DPYSL2: variants seen among roughly 807,000 people sequenced by gnomAD.
DPYSL2 encodes dihydropyrimidinase-related protein 2.
In DPYSL2, 13 loss-of-function variants were observed where a neutral mutation model predicts 69.9. The observed-to-expected ratio is 0.19, with a 90% CI of 0.12 to 0.30. The LOEUF (loss-of-function observed/expected upper bound fraction) is 0.30, where lower values mean the gene tolerates loss of function less well. Ranked by LOEUF, DPYSL2 falls within the 10% of genes least tolerant of loss-of-function variation. The pLI is 1.00. For missense variants in DPYSL2, 587 were observed against 918.9 expected (o/e 0.64, Z 4.67); for synonymous variants, 326 against 359.1 (o/e 0.91, Z 1.04).
intron 1 of DPYSL2, among the ~76,000 whole-genome samples, chr8:26,530,037 G>A (rs752653551): frequency 3.3e-5 from 5 of 149,918 alleles, no homozygotes; most frequent in East Asian, 2.0e-4. Context: ...GCTTGAGCCC[G>A]GGAGGTGGAG....
rs145417759 is a variant in DPYSL2, at chr8:26,627,910, C to T, written c.975C>T (p.Pro325=). The T allele has an allele frequency of 2.1e-4, 344 of 1,613,890 alleles. 1 individual carries two copies. The highest frequency in any genetic ancestry group is 2.1e-3 in the African/African-American group (154 of 75,032). The part of the protein sequence containing the change: ...QRILDLGITG[P]EGHVLSRPEE... ...TCCTGGATCTGGGCATCACGGGCCC[C>T]GAGGGACATGTGCTGAGCCGACCTG... is the stretch of plus-strand genomic sequence containing the variant. The change falls in exon 7 of 14, where the codon CCC becomes CCT. Residue 325 remains proline, a synonymous_variant. Coordinates refer to ENST00000521913, the MANE Select transcript of DPYSL2 (RefSeq NM_001197293.3). The surrounding 1 kb of genome is among the most constrained non-coding windows in gnomAD (Gnocchi z 6.9).
At chr8:26,529,715 A>C (rs1329117080) in intron 1 of DPYSL2, among the ~76,000 whole-genome samples, 1 of 146,802 alleles carries the variant, frequency 6.8e-6, no homozygotes, top group East Asian at 2.0e-4. Context: ...TGGATTTTTA[A>C]ATTTTAACCG....
rs749134430 is a variant in DPYSL2 at position 26,653,197 on chromosome 8, G to A, written c.1777-35G>A. The stretch of plus-strand genomic sequence containing the variant: ...TTCTAGAGAGGTATCCTCTGTGGCT[G>A]TGGCCTGAGCTGGGGGGACTCTTGT... On this transcript the variant is annotated intron_variant, in intron 12 of 13. Transcript: ENST00000521913. The surrounding 1 kb of genome is among the most constrained non-coding windows in gnomAD (Gnocchi z 5.7). 2 of 1,605,134 alleles carry A rather than the reference G, an allele frequency of 1.2e-6. No individual in the cohort carries two copies. The highest frequency in any genetic ancestry group is 1.7e-6 in the Non-Finnish European group (2 of 1,174,796).
At chr8:26,540,829 C>G (rs746346845) in intron 1 of DPYSL2, among the ~76,000 whole-genome samples, 1 of 148,790 alleles carries the variant, frequency 6.7e-6, no homozygotes, top group Non-Finnish European at 1.5e-5. Flanking sequence ...TGCTTGAACC[C>G]GGGAGGCAGA....
intron 1 of DPYSL2, among the ~76,000 whole-genome samples, chr8:26,579,017 C>G (rs1386160714): frequency 6.6e-6 from 1 of 152,070 alleles, no homozygotes; most frequent in Non-Finnish European, 1.5e-5. Context: ...GATTCGGGCT[C>G]TTTTTCACGT....
At position 26,614,980 on chromosome 8, in the gene DPYSL2, C is replaced by T. The variant is rs1342879150; in HGVS notation, c.629-9163C>T. Among the ~76,000 whole-genome samples the T allele has an allele frequency of 6.6e-6, 1 of 152,254 alleles. No homozygotes were observed. Among genetic ancestry groups the T allele is most frequent in the Non-Finnish European group, 1.5e-5 (1 of 68,054 alleles). ...CACACGTTCTGGGGTCAGATTCCAG[C>T]TCTGCCAGTCAGTGGCTGCACTGGC... On this transcript the variant is annotated intron_variant, in intron 3 of 13. Coordinates refer to ENST00000521913, the MANE Select transcript of DPYSL2 (RefSeq NM_001197293.3). The surrounding 1 kb of genome is among the most constrained non-coding windows in gnomAD (Gnocchi z 4.9).
rs567537411 is a variant in DPYSL2 at position 26,591,068 on chromosome 8, A to G, written c.628+7085A>G. On this transcript the variant is annotated intron_variant, in intron 3 of 13. Coordinates refer to ENST00000521913, the MANE Select transcript of DPYSL2 (RefSeq NM_001197293.3). The surrounding 1 kb of genome is among the most constrained non-coding windows in gnomAD (Gnocchi z 5.8). Reference sequence around the variant, plus strand: ...GGAGCTGGCAGTTACAGTGCTGGAAATGAGCCTGACTCACTGGGGTGGTGA... The same window carrying G: ...GGAGCTGGCAGTTACAGTGCTGGAAGTGAGCCTGACTCACTGGGGTGGTGA... 7.9e-5 allele frequency among the ~76,000 whole-genome samples: 12 copies of G among 152,312 alleles called. No homozygotes were observed. The highest frequency in any genetic ancestry group is 2.2e-4 in the African/African-American group (9 of 41,568).
At chr8:26,602,138 A>ATTTT (rs374443692) in intron 3 of DPYSL2, among the ~76,000 whole-genome samples, 26 of 135,298 alleles carry the variant, frequency 1.9e-4, no homozygotes, top group Middle Eastern at 3.6e-3. Flanking sequence ...AACAAAGGAA[A>ATTTT]TTTTTTTTTT....
rs1016728311 is a variant in DPYSL2 at position 26,614,461 on chromosome 8, A to G, written c.629-9682A>G. Among the ~76,000 whole-genome samples the G allele has an allele frequency of 2.0e-5, 3 of 152,150 alleles. No homozygotes were observed. The highest frequency in any genetic ancestry group is 4.4e-5 in the Non-Finnish European group (3 of 68,030). On this transcript the variant is annotated intron_variant, in intron 3 of 13. Coordinates refer to ENST00000521913, the MANE Select transcript of DPYSL2 (RefSeq NM_001197293.3). The surrounding 1 kb of genome is among the most constrained non-coding windows in gnomAD (Gnocchi z 4.9). ...ATCATTTTATCCGTATCCCTTTCGT[A>G]TCTTTTAGTGAGTTTTTGTTTTCCC...
In DPYSL2 at chr8:26,627,696, C is replaced by T. The variant is rs560501091; in HGVS notation, c.937-176C>T. On this transcript the variant is annotated intron_variant, in intron 6 of 13. Transcript: ENST00000521913. This position sits in a 1 kb window ranked among gnomAD's most constrained non-coding sequence, Gnocchi z 6.9. ...CTGTAATTGATCCATCCTGCTCAGG[C>T]GGGACTGGGAACAGGGCAGTGAACC... Among the ~76,000 whole-genome samples the T allele has an allele frequency of 6.6e-5, 10 of 152,140 alleles. No homozygotes were observed. The highest frequency in any genetic ancestry group is 1.2e-4 in the Non-Finnish European group (8 of 68,028).
rs192389896 is a variant in DPYSL2, at chr8:26,648,743, C to T, written c.1596+943C>T. On this transcript the variant is annotated intron_variant, in intron 11 of 13. Coordinates refer to ENST00000521913, the MANE Select transcript of DPYSL2 (RefSeq NM_001197293.3). This position sits in a 1 kb window ranked among gnomAD's most constrained non-coding sequence, Gnocchi z 4.3. Reference sequence around the variant, plus strand: ...CTTAGGGCAGGTTTCTGGCATTTCTCCGGGACAACCCTGGGACTTTGCCCT... The same window carrying T: ...CTTAGGGCAGGTTTCTGGCATTTCTTCGGGACAACCCTGGGACTTTGCCCT... Among the ~76,000 whole-genome samples, 47 of 152,328 alleles carry T rather than the reference C, an allele frequency of 3.1e-4. No homozygotes were observed. Among genetic ancestry groups the T allele is most frequent in the African/African-American group, 1.1e-3 (46 of 41,568 alleles).
Position 26,619,318 on chromosome 8 carries a change from A to G in DPYSL2, c.629-4825A>G, listed in dbSNP as rs547170768. ...GTGGGAAAACATTTGGAGGCATTTC[A>G]TGGACACGTTTCTGAGTGTTATGAG... On this transcript the variant is annotated intron_variant, in intron 3 of 13. Coordinates refer to ENST00000521913, the MANE Select transcript of DPYSL2 (RefSeq NM_001197293.3). The surrounding 1 kb of genome is among the most constrained non-coding windows in gnomAD (Gnocchi z 4.8). Among the ~76,000 whole-genome samples, 1 of 152,310 alleles carries G rather than the reference A, an allele frequency of 6.6e-6. No individual in the cohort carries two copies. The highest frequency in any genetic ancestry group is 2.4e-5 in the African/African-American group (1 of 41,572).
At chr8:26,551,824 T>C (rs548824919) in intron 1 of DPYSL2, among the ~76,000 whole-genome samples, 6 of 152,330 alleles carry the variant, frequency 3.9e-5, no homozygotes, top group Non-Finnish European at 5.9e-5. Context: ...TATTGTATTT[T>C]ATTTTTAGAA....
At chr8:26,569,627 T>G (rs1801207988) in intron 1 of DPYSL2, among the ~76,000 whole-genome samples, 1 of 152,126 alleles carries the variant, frequency 6.6e-6, no homozygotes, top group African/African-American at 2.4e-5. Context: ...AGAGACAGAC[T>G]GGAAATACTC....
chr8:26,601,248 G>A (rs1388147787), intron 3 of DPYSL2, among the ~76,000 whole-genome samples: 1 of 152,196 alleles, frequency 6.6e-6, no homozygotes, highest in African/African-American at 2.4e-5. Flanking sequence ...ATCGCAGAAG[G>A]GAGAGGCTGA....
intron 1 of DPYSL2, among the ~76,000 whole-genome samples, chr8:26,529,940 G>A (rs759367233): frequency 1.3e-5 from 2 of 150,628 alleles, no homozygotes; most frequent in African/African-American, 4.9e-5. Flanking sequence ...CTGAAACCTC[G>A]TTTCTACTAA....
At position 26,647,353 on chromosome 8, in the gene DPYSL2, A is replaced by G. The variant is rs1803189052; in HGVS notation, c.1426-277A>G. Among the ~76,000 whole-genome samples the G allele has an allele frequency of 6.6e-6, 1 of 151,904 alleles. No homozygotes were observed. Among genetic ancestry groups the G allele is most frequent in the Non-Finnish European group, 1.5e-5 (1 of 67,970 alleles). On this transcript the variant is annotated intron_variant, in intron 10 of 13. Coordinates refer to ENST00000521913, the MANE Select transcript of DPYSL2 (RefSeq NM_001197293.3). The surrounding 1 kb of genome is among the most constrained non-coding windows in gnomAD (Gnocchi z 5.1). ...GTCTAGTCCAGCATTTCAGAGACCA[A>G]CCTCTTGCTGCTCCTCCCCTCCACC...
In DPYSL2 at chr8:26,624,431, C is replaced by G. The variant is rs1033668509; in HGVS notation, c.793+124C>G. The G allele has an allele frequency of 9.4e-6, 12 of 1,279,404 alleles. No individual in the cohort carries two copies. In the African/African-American group the frequency reaches 1.5e-4, roughly 16 times the overall value. 79.3% of individuals were successfully genotyped at this position (1,279,404 alleles called of 1,614,324 possible). On this transcript the variant is annotated intron_variant, in intron 4 of 13. Coordinates refer to ENST00000521913, the MANE Select transcript of DPYSL2 (RefSeq NM_001197293.3). This position sits in a 1 kb window ranked among gnomAD's most constrained non-coding sequence, Gnocchi z 4.7. ...TTTGTGCCTCATGCCCATGCCTGCC[C>G]CTGGGAAGGAGAGAGGGCTTTGGGC... is the stretch of plus-strand genomic sequence containing the variant.
rs1808244010 is a variant in DPYSL2 at position 26,514,643 on chromosome 8, C to A, written c.318C>A (p.Ala106=). Residue 106 remains alanine (A), a synonymous_variant, in exon 1 of 14, where the codon GCC becomes GCA. Transcript: ENST00000521913. The surrounding 1 kb of genome is among the most constrained non-coding windows in gnomAD (Gnocchi z 8.4). ...ESGRKVEIRR[A]SGKEALQNIN... is the part of the protein sequence containing the mutation. ...GCCGGAAGGTGGAGATCCGGAGGGC[C>A]TCGGGCAAAGAAGCCCTGCAGAACA... is the stretch of plus-strand genomic sequence containing the variant. 1.4e-6 allele frequency: 2 copies of A among 1,457,916 alleles called. No homozygotes were observed. The highest frequency in any genetic ancestry group is 2.8e-5 in the South Asian group (2 of 71,944). The allele number at this position is 1,457,916 out of a possible 1,614,324, so 90.3% of individuals were successfully genotyped here. A position where few individuals can be genotyped will look rare whatever the true frequency, so the allele number is the denominator to read the frequency against.
Sources: gnomAD v4.1 joint callset for allele counts (sites outside exome capture counted in the v4.1 genomes callset) on GRCh38, gnomAD v4.1.1 for gene constraint, Gnocchi (gnomAD v3.1) non-coding constraint, MANE v1.5 for transcripts, NCBI Gene and HGNC (gene_info 2026-07-23, HGNC 2026-07-21) for gene names.